The following BBS9 variants were observed in gnomAD, a reference collection of about 807,000 sequenced individuals.
The protein encoded by BBS9 is protein PTHB1.
BBS9 carries 89 observed loss-of-function variants against 117.7 expected under a neutral mutation model. That is an observed-to-expected ratio of 0.76 (90% CI 0.64 to 0.90). The LOEUF is 0.90. Ranked by LOEUF, BBS9 falls within the 40% of genes least tolerant of loss-of-function variation. The pLI, the probability that BBS9 is intolerant of heterozygous loss-of-function variation, is 0.00. For missense variants in BBS9, 982 were observed against 1,042.2 expected (o/e 0.94, Z 0.80); for synonymous variants, 379 against 370.9 (o/e 1.02, Z -0.25).
intron 9 of BBS9, among the ~76,000 whole-genome samples, chr7:33,308,793 C>A (rs1251649309): frequency 6.6e-6 from 1 of 152,138 alleles, no homozygotes; most frequent in African/African-American, 2.4e-5. Flanking sequence ...GTTCCTCAAT[C>A]CTGACGTAGC....
chr7:33,482,089 AT>A lies in BBS9; in HGVS notation c.2116-23364del, dbSNP rs111659756. 2.3e-4 allele frequency among the ~76,000 whole-genome samples: 35 copies of A among 150,636 alleles called. 1 individual carries two copies. Among genetic ancestry groups the A allele is most frequent in the African/African-American group, 7.8e-4 (32 of 41,120 alleles). Reference sequence around the variant, plus strand: ...AATCAGAGGGTGGTACTAAAGTGTGATTTTTTTTTTCTACCACAGAACTCAA... The same window carrying A: ...AATCAGAGGGTGGTACTAAAGTGTGATTTTTTTTTCTACCACAGAACTCAA... On this transcript the variant is annotated intron_variant, in intron 19 of 22. Transcript: ENST00000242067.
chr7:33,407,550 C>T (rs1437006464), intron 19 of BBS9, among the ~76,000 whole-genome samples: 1 of 152,062 alleles, frequency 6.6e-6, no homozygotes, highest in Non-Finnish European at 1.5e-5. Flanking sequence ...CTGTTTTTTC[C>T]CCATCTTTGT....
chr7:33,320,300 G>A (rs932964009), intron 9 of BBS9, among the ~76,000 whole-genome samples: 9 of 151,952 alleles, frequency 5.9e-5, no homozygotes, highest in Admixed American at 2.0e-4. Flanking sequence ...GAATTCAATC[G>A]TTTTAATTTT....
chr7:33,533,886 A>C, intron 20 of BBS9, 68 bp from the exon 21 acceptor site: 1 of 1,509,722 alleles, frequency 6.6e-7, no homozygotes, highest in Non-Finnish European at 9.2e-7. Flanking sequence ...TAATCTGTAT[A>C]ATACATCAAG....
intron 5 of BBS9, among the ~76,000 whole-genome samples, chr7:33,183,576 C>T (rs1583514161): frequency 6.6e-6 from 1 of 152,128 alleles, no homozygotes; most frequent in Non-Finnish European, 1.5e-5. Context: ...AACCAATAAG[C>T]CTTAGTTACT....
At chr7:33,241,048 G>A (rs1794433192) in intron 5 of BBS9, among the ~76,000 whole-genome samples, 1 of 152,018 alleles carries the variant, frequency 6.6e-6, no homozygotes, top group Admixed American at 6.6e-5. Context: ...TGTTAATAAG[G>A]GTGTATCTTA....
intron 5 of BBS9, among the ~76,000 whole-genome samples, chr7:33,219,257 AC>A (rs1789710778): frequency 6.6e-6 from 1 of 151,894 alleles, no homozygotes. Context: ...TGAGCCTCCC[AC>A]CCCCTCCGTG....
intron 21 of BBS9, among the ~76,000 whole-genome samples, chr7:33,598,697 A>T (rs1209443439): frequency 6.6e-6 from 1 of 152,238 alleles, no homozygotes; most frequent in Non-Finnish European, 1.5e-5. Flanking sequence ...CCGTTACCCA[A>T]CAAGAAAGAA....
chr7:33,414,574 C>A (rs60618928), intron 19 of BBS9, among the ~76,000 whole-genome samples: 104 of 152,198 alleles, frequency 6.8e-4, no homozygotes, highest in Middle Eastern at 3.4e-3. Flanking sequence ...CTGTTGGAAT[C>A]CTATTTATTC....
chr7:33,138,733 T>C (rs1790966212), intron 1 of BBS9, among the ~76,000 whole-genome samples: 1 of 150,808 alleles, frequency 6.6e-6, no homozygotes, highest in Non-Finnish European at 1.5e-5. Flanking sequence ...TCCTGGGCTC[T>C]AGTGGAGACT....
intron 5 of BBS9, among the ~76,000 whole-genome samples, chr7:33,225,308 C>A (rs1419757097): frequency 2.0e-5 from 3 of 152,134 alleles, no homozygotes; most frequent in Non-Finnish European, 4.4e-5. Context: ...AGTGATCCTC[C>A]CGCCTCAGCC....
intron 21 of BBS9, among the ~76,000 whole-genome samples, chr7:33,540,398 T>C (rs1331980648): frequency 6.6e-6 from 1 of 152,178 alleles, no homozygotes; most frequent in African/African-American, 2.4e-5. Context: ...GCAGAGGCAA[T>C]AAACAGAAGA....
intron 21 of BBS9, among the ~76,000 whole-genome samples, chr7:33,570,397 A>T (rs962648838): frequency 6.6e-6 from 1 of 152,226 alleles, no homozygotes; most frequent in Non-Finnish European, 1.5e-5. Context: ...GAATAAAAGA[A>T]ATATGAACCC....
intron 21 of BBS9, 50 bp from the exon 22 acceptor site, chr7:33,604,815 G>A (rs1433992168): frequency 1.6e-6 from 2 of 1,280,168 alleles, no homozygotes; most frequent in Admixed American, 1.8e-5. Context: ...GTGTAGAGAG[G>A]CAGATTTTCT....
At chr7:33,295,501 C>T (rs116264300) in intron 9 of BBS9, among the ~76,000 whole-genome samples, 1,648 of 151,936 alleles carry the variant, frequency 0.011, 27 homozygotes, top group African/African-American at 0.038. Context: ...CCATTTCCCC[C>T]CATCTTTTAA....
chr7:33,424,445 C>G (rs2128864236), intron 19 of BBS9, among the ~76,000 whole-genome samples: 1 of 152,222 alleles, frequency 6.6e-6, no homozygotes, highest in African/African-American at 2.4e-5. Context: ...CACCAAATTT[C>G]AAACGAGAAG....
exon 22 of BBS9, among the ~76,000 whole-genome samples, chr7:33,635,367 A>G (rs1179295875): frequency 6.6e-6 from 1 of 152,154 alleles, no homozygotes; most frequent in Non-Finnish European, 1.5e-5. Context: ...CGAGGAACAC[A>G]GGGATCTTTC....
intron 19 of BBS9, among the ~76,000 whole-genome samples, chr7:33,442,969 T>G (rs1836438057): frequency 6.6e-6 from 1 of 152,084 alleles, no homozygotes; most frequent in Admixed American, 6.5e-5. Context: ...TGGCATCTTA[T>G]ATGTCATGTA....
In BBS9 at chr7:33,393,090, C is replaced by T. The variant is rs184157049; in HGVS notation, c.2115+4946C>T. 8.6e-3 allele frequency among the ~76,000 whole-genome samples: 1,310 copies of T among 152,032 alleles called. 19 individuals carry two copies. Among genetic ancestry groups the T allele is most frequent in the African/African-American group, 0.03 (1,251 of 41,456 alleles). On this transcript the variant is annotated intron_variant, in intron 19 of 22. Transcript: ENST00000242067. ...CTGAGGTGGGAGGATTGCTTTAGCC[C>T]GGGAGGTTGAGGCTGCAATGAGCCA...
Sources: gnomAD v4.1 joint callset for allele counts (sites outside exome capture counted in the v4.1 genomes callset) on GRCh38, gnomAD v4.1.1 for gene constraint, MANE v1.5 for transcripts, NCBI Gene and HGNC (gene_info 2026-07-23, HGNC 2026-07-21) for gene names.